Variants in OR51B5 observed in about 807,000 individuals in gnomAD.
OR51B5 encodes the protein olfactory receptor family 51 subfamily B member 5, also known as olfactory receptor 51B5.
For synonymous variants in OR51B5, 186 were observed against 144.8 expected (o/e 1.28, Z -2.04); for missense variants, 456 against 374.6 (o/e 1.22, Z -1.79).
intron 1 of OR51B5, among the ~76,000 whole-genome samples, chr11:5,372,281 T>C (rs1175157576): frequency 6.6e-6 from 1 of 152,200 alleles, no homozygotes; most frequent in Admixed American, 6.5e-5. Context: ...TTTGGATACA[T>C]ATACAGCAGA....
intron 1 of OR51B5, among the ~76,000 whole-genome samples, chr11:5,411,015 T>C (rs879806103): frequency 2.0e-5 from 3 of 152,206 alleles, no homozygotes; most frequent in Non-Finnish European, 4.4e-5. Flanking sequence ...GGTTAATTTA[T>C]TATTGAAGAA....
intron 1 of OR51B5, chr11:5,489,795 C>A: frequency 1.4e-6 from 1 of 690,098 alleles, no homozygotes; most frequent in Non-Finnish European, 2.5e-6. Context: ...AGAGGAATAG[C>A]CAGATGAATC....
intron 1 of OR51B5, among the ~76,000 whole-genome samples, chr11:5,351,324 A>T (rs1228211285): frequency 6.6e-6 from 1 of 152,186 alleles, no homozygotes; most frequent in Non-Finnish European, 1.5e-5. Flanking sequence ...TATCTTCTTT[A>T]TACATTCTAT....
chr11:5,390,046 T>G (rs1849769550), intron 1 of OR51B5: 2 of 1,613,680 alleles, frequency 1.2e-6, no homozygotes, highest in South Asian at 1.1e-5. Context: ...TGGTGGTAGT[T>G]TTCACTGTGA....
intron 1 of OR51B5, among the ~76,000 whole-genome samples, chr11:5,359,507 T>C (rs1346234425): frequency 1.5e-5 from 2 of 129,722 alleles, no homozygotes; most frequent in African/African-American, 2.8e-5. Flanking sequence ...TACAAACAAA[T>C]GGAAGAACAT....
intron 1 of OR51B5, among the ~76,000 whole-genome samples, chr11:5,402,258 G>A (rs908189528): frequency 3.9e-5 from 6 of 152,066 alleles, no homozygotes; most frequent in Non-Finnish European, 7.3e-5. Context: ...CAAGCGATCT[G>A]CCTACATCAG....
At chr11:5,390,565 G>A (rs1271916311) in intron 1 of OR51B5, 1 of 579,258 alleles carries the variant, frequency 1.7e-6, no homozygotes, top group Admixed American at 3.2e-5. Context: ...AGATTTTAAT[G>A]GCTCCTCCTA....
At position 5,416,413 on chromosome 11, in the gene OR51B5, G is replaced by A. The variant is rs560101848; in HGVS notation, n.85-69503C>T. 2.6e-3 allele frequency among the ~76,000 whole-genome samples: 390 copies of A among 152,266 alleles called. 2 individuals carry two copies. Among genetic ancestry groups the A allele is most frequent in the African/African-American group, 9.1e-3 (380 of 41,536 alleles). ...ACCACCCCTATTCAACATAGTGTTGGAAGTTCTGGCCAGGGCAATTAGGCA... is the reference window on the plus strand; with the variant it reads ...ACCACCCCTATTCAACATAGTGTTGAAAGTTCTGGCCAGGGCAATTAGGCA... On this transcript the variant is annotated intron_variant and non_coding_transcript_variant, in intron 1 of 4. Coordinates refer to the OR51B5 transcript ENST00000415970.
At chr11:5,462,665 G>C (rs893073208) in intron 1 of OR51B5, among the ~76,000 whole-genome samples, 2 of 152,238 alleles carry the variant, frequency 1.3e-5, no homozygotes, top group African/African-American at 4.8e-5. Flanking sequence ...TTCCTCATCA[G>C]GAGGATATCC....
chr11:5,366,781 TA>T (rs1205084287), intron 1 of OR51B5, among the ~76,000 whole-genome samples: 1 of 152,102 alleles, frequency 6.6e-6, no homozygotes, highest in Non-Finnish European at 1.5e-5. Flanking sequence ...GTCTTTAGAA[TA>T]AAAATTAAAA....
chr11:5,502,186 G>A lies in OR51B5; in HGVS notation n.84+3383C>T, dbSNP rs12283960. On this transcript the variant is annotated intron_variant and non_coding_transcript_variant, in intron 1 of 4. Coordinates refer to the OR51B5 transcript ENST00000415970. ...GTCTTCAGATTGGCTCTGCTTCTCCGCTTGTCACTCTCTCATTCATTCTCT... is the reference window on the plus strand; with the variant it reads ...GTCTTCAGATTGGCTCTGCTTCTCCACTTGTCACTCTCTCATTCATTCTCT... 5.2e-3 allele frequency among the ~76,000 whole-genome samples: 790 copies of A among 151,430 alleles called. 5 individuals carry two copies. The highest frequency in any genetic ancestry group is 0.01 in the Middle Eastern group (3 of 292).
intron 1 of OR51B5, among the ~76,000 whole-genome samples, chr11:5,368,917 C>G (rs1849412727): frequency 6.6e-6 from 1 of 152,102 alleles, no homozygotes; most frequent in African/African-American, 2.4e-5. Context: ...AGCCTCTGTT[C>G]AGGAACTTTT....
At chr11:5,485,942 C>T (rs1054490913) in intron 1 of OR51B5, among the ~76,000 whole-genome samples, 1 of 151,980 alleles carries the variant, frequency 6.6e-6, no homozygotes, top group African/African-American at 2.4e-5. Context: ...AATGTGGTCA[C>T]TAGGATGTGC....
At chr11:5,422,943 T>C in intron 1 of OR51B5, 1 of 1,614,158 alleles carries the variant, frequency 6.2e-7, no homozygotes, top group Non-Finnish European at 8.5e-7. Flanking sequence ...TCCCACATTC[T>C]AGCTGTCCTG....
intron 1 of OR51B5, among the ~76,000 whole-genome samples, chr11:5,411,661 GT>G (rs1564804670): frequency 6.6e-6 from 1 of 152,220 alleles, no homozygotes; most frequent in African/African-American, 2.4e-5. Context: ...GAAAAGGGCA[GT>G]TAAGGCTGCA....
intron 1 of OR51B5, chr11:5,453,674 C>T: frequency 1.2e-6 from 2 of 1,613,468 alleles, no homozygotes; most frequent in Non-Finnish European, 1.7e-6. Context: ...TGTACTACTT[C>T]CTGTCCATGT....
At chr11:5,480,804 C>A (rs1851406946) in intron 1 of OR51B5, among the ~76,000 whole-genome samples, 1 of 132,564 alleles carries the variant, frequency 7.5e-6, no homozygotes, top group Non-Finnish European at 1.6e-5. Flanking sequence ...CAAGACTAAA[C>A]CAGGAAGAAG....
intron 1 of OR51B5, chr11:5,468,609 G>A: frequency 4.4e-6 from 2 of 453,688 alleles, no homozygotes; most frequent in South Asian, 1.6e-5. Flanking sequence ...ACATATTCAG[G>A]AGCATGCCTC....
chr11:5,341,951 G>T (rs1336752795), downstream of OR51B5, among the ~76,000 whole-genome samples: 1 of 152,146 alleles, frequency 6.6e-6, no homozygotes, highest in Non-Finnish European at 1.5e-5. Context: ...TTGTCAGAAG[G>T]TACTGCCTTG....
Sources: allele counts gnomAD v4.1 joint callset (sites outside exome capture counted in the v4.1 genomes callset), GRCh38; gene constraint gnomAD v4.1.1; transcripts MANE v1.5; gene names NCBI Gene and HGNC (gene_info 2026-07-23, HGNC 2026-07-21).